USP48: variants seen among roughly 807,000 people sequenced by gnomAD.
USP48 encodes ubiquitin specific peptidase 48.
USP48 carries 43 observed loss-of-function variants against 150.7 expected under a neutral mutation model. The observed-to-expected ratio is 0.29, with a 90% CI of 0.22 to 0.37. USP48 has a LOEUF of 0.37. Among genes scored for constraint, USP48 ranks in the 10% least tolerant of loss-of-function variants. USP48 has a pLI of 1.00. For missense variants in USP48, 813 were observed against 1,249.6 expected, an observed-to-expected ratio of 0.65 and a Z score of 5.27; for synonymous variants, 396 against 425.9, an observed-to-expected ratio of 0.93 and a Z score of 0.86.
chr1:21,714,310 C>T lies in USP48; in HGVS notation c.1963+1079G>A, dbSNP rs80356334. Among the ~76,000 whole-genome samples, 255 of 152,262 alleles carry T rather than the reference C, an allele frequency of 1.7e-3. 2 individuals carry two copies. Among genetic ancestry groups the T allele is most frequent in the African/African-American group, 5.7e-3 (236 of 41,548 alleles). Reference sequence around the variant, plus strand: ...TATTTTAAAGAGATGGGGTATCGCACGGTCGTCCAGGCTGGAGTGCAGCGT... The same window carrying T: ...TATTTTAAAGAGATGGGGTATCGCATGGTCGTCCAGGCTGGAGTGCAGCGT... On this transcript the variant is annotated intron_variant, in intron 15 of 26. Transcript: ENST00000308271.
intron 22 of USP48, 133 bp from the exon 23 acceptor site, chr1:21,695,354 T>A: frequency 1.0e-6 from 1 of 976,598 alleles, no homozygotes; most frequent in Non-Finnish European, 1.4e-6. Context: ...ATGTAAACAA[T>A]GAGTAGAAAC....
chr1:21,694,588 A>C (rs2097617551), intron 23 of USP48, among the ~76,000 whole-genome samples: 1 of 130,844 alleles, frequency 7.6e-6, no homozygotes, highest in South Asian at 2.4e-4. Flanking sequence ...AAAAAAAAAA[A>C]AAAAAAAAAA....
intron 1 of USP48, among the ~76,000 whole-genome samples, chr1:21,773,461 A>C (rs2097888276): frequency 6.6e-6 from 1 of 151,892 alleles, no homozygotes; most frequent in South Asian, 2.1e-4. Context: ...CAGGAGTTCA[A>C]GACCGGCCTG....
intron 21 of USP48, 149 bp downstream of exon 21, chr1:21,703,363 A>G (rs1311620777): frequency 1.9e-6 from 1 of 533,126 alleles, no homozygotes; most frequent in East Asian, 2.8e-5. Flanking sequence ...TTCATTTTCA[A>G]TTATTGTCCA....
chr1:21,733,086 C>T (rs1003720620), intron 9 of USP48, among the ~76,000 whole-genome samples: 2 of 152,106 alleles, frequency 1.3e-5, no homozygotes, highest in African/African-American at 4.8e-5. Flanking sequence ...CAGGAACATG[C>T]ACAGGTAAGA....
rs541909197 is a variant in USP48, at chr1:21,721,562, C to T, written c.1763+88G>A. On this transcript the variant is annotated intron_variant, in intron 13 of 26. Transcript: ENST00000308271. ...ACCCTTCTTCTAAAAATCCCAACTTCCTATTTTTAATAAATAACGAGATGC... is the reference window on the plus strand; with the variant it reads ...ACCCTTCTTCTAAAAATCCCAACTTTCTATTTTTAATAAATAACGAGATGC... The T allele has an allele frequency of 4.2e-5, 38 of 907,860 alleles. No homozygotes were observed. The South Asian group carries it at 8.7e-4, about 21-fold the overall frequency. 56.2% of individuals were successfully genotyped at this position (907,860 alleles called of 1,614,324 possible).
intron 1 of USP48, among the ~76,000 whole-genome samples, chr1:21,763,075 T>C (rs2097853839): frequency 1.3e-5 from 2 of 152,148 alleles, no homozygotes; most frequent in African/African-American, 4.8e-5. Flanking sequence ...CTCAACTGGT[T>C]CTAAAGCTGG....
At chr1:21,753,306 C>T (rs1414429632) in intron 3 of USP48, among the ~76,000 whole-genome samples, 187 bp from the exon 4 acceptor site, 2 of 152,116 alleles carry the variant, frequency 1.3e-5, no homozygotes, top group Non-Finnish European at 2.9e-5. Context: ...AACCCCAGCA[C>T]TTTGGGAGGC....
At chr1:21,738,309 C>G (rs948542754) in intron 8 of USP48, among the ~76,000 whole-genome samples, 2 of 150,922 alleles carry the variant, frequency 1.3e-5, no homozygotes, top group African/African-American at 4.9e-5. Context: ...CCATCTGCCT[C>G]GGCCTCCCAA....
chr1:21,709,580 T>C (rs1425625256), intron 15 of USP48, among the ~76,000 whole-genome samples: 9 of 141,788 alleles, frequency 6.3e-5, no homozygotes, highest in Non-Finnish European at 1.3e-4. Context: ...TTCCTTTTTA[T>C]GCTTTAAAAA....
In USP48 at chr1:21,748,269, T is replaced by C. The variant is rs1557560337; in HGVS notation, c.777A>G (p.Glu259=). ...LTDCISEFLK[E]EKLEGDNRYF... is the part of the protein sequence containing the mutation. ...AGCGATTGTCTCCTTCTAATTTTTC[T>C]TCCTGATCAAGAATAAGACATATTA... The change falls in exon 7 of 27, where the codon GAA becomes GAG. Residue 259 remains glutamate, a splice_region_variant and synonymous_variant. Transcript: ENST00000308271. 9.9e-6 allele frequency: 16 copies of C among 1,611,304 alleles called. No homozygotes were observed. The highest frequency in any genetic ancestry group is 1.4e-5 in the Non-Finnish European group (16 of 1,178,996).
At chr1:21,725,535 T>C (rs1198375766) in intron 11 of USP48, among the ~76,000 whole-genome samples, 1 of 152,178 alleles carries the variant, frequency 6.6e-6, no homozygotes, top group Non-Finnish European at 1.5e-5. Flanking sequence ...GCAGATCACC[T>C]GAGGTCCAGA....
At chr1:21,781,676 G>A (rs1034101216) in intron 1 of USP48, among the ~76,000 whole-genome samples, 10 of 152,254 alleles carry the variant, frequency 6.6e-5, no homozygotes, top group African/African-American at 2.4e-4. Context: ...GGAGGTTGCA[G>A]TGAGCCGAGC....
intron 10 of USP48, among the ~76,000 whole-genome samples, chr1:21,729,204 C>T (rs2097749321): frequency 1.3e-5 from 2 of 151,844 alleles, no homozygotes; most frequent in Admixed American, 6.6e-5. Context: ...ACTGCTTAAA[C>T]CCAGGAGGCA....
chr1:21,709,069 C>T (rs893793921), intron 15 of USP48, among the ~76,000 whole-genome samples: 2 of 151,790 alleles, frequency 1.3e-5, no homozygotes, highest in Admixed American at 6.6e-5. Flanking sequence ...GCCACCATGC[C>T]CGCCTAATAT....
In USP48 at chr1:21,687,214, G is replaced by A. The variant is rs1342162419; in HGVS notation, c.3035C>T (p.Ala1012Val). 2 of 1,612,926 alleles carry A rather than the reference G, an allele frequency of 1.2e-6. No homozygotes were observed. The highest frequency in any genetic ancestry group is 1.7e-6 in the Non-Finnish European group (2 of 1,179,342). Residue 1012 changes from alanine (A) to valine (V), a missense_variant, in exon 25 of 27, where the codon GCT becomes GTT. By Grantham distance (64) the Ala-to-Val change is moderately conservative. Transcript: ENST00000308271. ...LKADEPIADYAAMDDVMQVCM... is the reference protein window; with the variant it reads ...LKADEPIADYVAMDDVMQVCM... ...ACCTTGCATGACATCATCCATTGCA[G>A]CATAATCTGCAATTGGTTCATCAGC... is the stretch of plus-strand genomic sequence containing the variant.
chr1:21,777,798 T>C (rs1279153386), intron 1 of USP48, among the ~76,000 whole-genome samples: 1 of 152,032 alleles, frequency 6.6e-6, no homozygotes, highest in Non-Finnish European at 1.5e-5. Context: ...TTGCAAATCA[T>C]ATATTTAATA....
intron 1 of USP48, among the ~76,000 whole-genome samples, chr1:21,768,036 T>C (rs1044099328): frequency 1.3e-5 from 2 of 152,014 alleles, no homozygotes; most frequent in East Asian, 1.9e-4. Flanking sequence ...TGAAACCCCG[T>C]CTCTACTAAA....
chr1:21,758,154 A>T (rs1238512551), intron 1 of USP48, among the ~76,000 whole-genome samples: 1 of 151,434 alleles, frequency 6.6e-6, no homozygotes, highest in Non-Finnish European at 1.5e-5. Flanking sequence ...AATATGGTAC[A>T]TCTATATGGC....
Sources: gnomAD v4.1 joint callset for allele counts (sites outside exome capture counted in the v4.1 genomes callset) on GRCh38, gnomAD v4.1.1 for gene constraint, MANE v1.5 for transcripts, NCBI Gene and HGNC (gene_info 2026-07-23, HGNC 2026-07-21) for gene names.